Variants in WDPCP observed in about 807,000 individuals in gnomAD.
WDPCP encodes the protein WD repeat-containing and planar cell polarity effector protein fritz homolog.
WDPCP carries 71 observed loss-of-function variants against 93.1 expected under a neutral mutation model. That is an observed-to-expected ratio of 0.76 (90% CI 0.63 to 0.93). The LOEUF (loss-of-function observed/expected upper bound fraction) is 0.93. Ranked by LOEUF, WDPCP falls within the 40% of genes least tolerant of loss-of-function variation. The pLI, the probability that WDPCP is intolerant of heterozygous loss-of-function variation, is 0.00. For synonymous variants in WDPCP, 315 were observed against 315.0 expected, an observed-to-expected ratio of 1.00 and a Z score of 0.00; for missense variants, 844 against 887.4, an observed-to-expected ratio of 0.95 and a Z score of 0.62.
chr2:63,792,600 G>A (rs1294618750), intron 2 of WDPCP, among the ~76,000 whole-genome samples: 1 of 152,174 alleles, frequency 6.6e-6, no homozygotes, highest in Admixed American at 6.5e-5. Context: ...AGCTGATTAG[G>A]AGAAAAGAGG....
intron 12 of WDPCP, among the ~76,000 whole-genome samples, chr2:63,329,607 A>G (rs1363113497): frequency 1.3e-5 from 2 of 152,108 alleles, no homozygotes; most frequent in Non-Finnish European, 2.9e-5. Context: ...TTGTATATCA[A>G]TGTTTCTCAA....
chr2:63,241,592 T>C (rs916982084), intron 14 of WDPCP, among the ~76,000 whole-genome samples: 1 of 152,140 alleles, frequency 6.6e-6, no homozygotes. Context: ...AATGGTACCA[T>C]GATTTTTAAT....
intron 6 of WDPCP, among the ~76,000 whole-genome samples, chr2:63,472,214 TTCTC>T (rs1699733215): frequency 6.6e-6 from 1 of 152,110 alleles, no homozygotes; most frequent in East Asian, 1.9e-4. Context: ...TTTTCTTTTT[TTCTC>T]TCTTTGATTT....
In WDPCP at chr2:63,564,060, T is replaced by C. The variant is rs373368373; in HGVS notation, c.75+24137A>G. On this transcript the variant is annotated intron_variant, in intron 1 of 17. Coordinates refer to ENST00000272321, the MANE Select transcript of WDPCP (RefSeq NM_015910.7). Reference sequence around the variant, plus strand: ...GGGCTGGTAATGCAAGATTCCTTAATGGCCCACCAAACATTAACTTTTGGG... The same window carrying C: ...GGGCTGGTAATGCAAGATTCCTTAACGGCCCACCAAACATTAACTTTTGGG... The C allele has an allele frequency of 9.2e-5, 14 of 152,358 alleles. No individual in the cohort carries two copies. The South Asian group carries it at 2.9e-3, about 32-fold the overall frequency. 9.4% of individuals were successfully genotyped at this position (152,358 alleles called of 1,614,324 possible). A position where few individuals can be genotyped will look rare whatever the true frequency, so the allele number is the denominator to read the frequency against.
At chr2:63,495,643 CTCTATT>C (rs1461207172) in intron 1 of WDPCP, among the ~76,000 whole-genome samples, 1 of 152,162 alleles carries the variant, frequency 6.6e-6, no homozygotes, top group Middle Eastern at 3.2e-3. Flanking sequence ...TACCTAACTT[CTCTATT>C]TCTAAGAGTC....
At chr2:63,405,175 T>C (rs1309626676) in intron 9 of WDPCP, among the ~76,000 whole-genome samples, 3 of 152,140 alleles carry the variant, frequency 2.0e-5, no homozygotes, top group Non-Finnish European at 4.4e-5. Flanking sequence ...ATATTTCTAA[T>C]TAGTAGGGCT....
At chr2:63,488,695 A>T (rs1045187536) in intron 2 of WDPCP, among the ~76,000 whole-genome samples, 2 of 151,960 alleles carry the variant, frequency 1.3e-5, no homozygotes, top group Non-Finnish European at 2.9e-5. Flanking sequence ...AGGCTTTTTT[A>T]AAAAATCTAA....
intron 9 of WDPCP, among the ~76,000 whole-genome samples, chr2:63,408,717 G>C (rs538355532): frequency 1.3e-5 from 2 of 152,296 alleles, no homozygotes; most frequent in South Asian, 2.1e-4. Flanking sequence ...GTGAGGCAGT[G>C]AGAGTGAGAC....
intron 2 of WDPCP, among the ~76,000 whole-genome samples, chr2:63,683,334 C>A (rs1446381268): frequency 2.0e-5 from 3 of 152,082 alleles, no homozygotes; most frequent in African/African-American, 7.2e-5. Flanking sequence ...ACCCACTAAT[C>A]TATTACCTAC....
At chr2:63,264,799 T>C (rs576178790) in intron 13 of WDPCP, among the ~76,000 whole-genome samples, 1 of 152,338 alleles carries the variant, frequency 6.6e-6, no homozygotes, top group Admixed American at 6.5e-5. Context: ...ACATTGAACA[T>C]TCTTCAGAAC....
chr2:63,619,858 C>T (rs929903267), intron 3 of WDPCP, among the ~76,000 whole-genome samples: 8 of 152,134 alleles, frequency 5.3e-5, no homozygotes, highest in Non-Finnish European at 1.2e-4. Flanking sequence ...ACAGTGGGTG[C>T]GGCCCATGGA....
At chr2:63,410,580 T>C (rs572235607) in intron 9 of WDPCP, among the ~76,000 whole-genome samples, 1 of 152,158 alleles carries the variant, frequency 6.6e-6, no homozygotes, top group Non-Finnish European at 1.5e-5. Context: ...AATGCTCCAC[T>C]TAAAACATAC....
At chr2:63,815,154 A>G (rs1670916823) in intron 1 of WDPCP, among the ~76,000 whole-genome samples, 1 of 152,214 alleles carries the variant, frequency 6.6e-6, no homozygotes, top group Non-Finnish European at 1.5e-5. Context: ...TCTAAAAAGT[A>G]TAATGAGAAC....
At chr2:63,151,515 G>T (rs1416774027) in intron 17 of WDPCP, among the ~76,000 whole-genome samples, 2 of 152,106 alleles carry the variant, frequency 1.3e-5, no homozygotes, top group East Asian at 3.8e-4. Flanking sequence ...ACTGCACCTG[G>T]CCAGGATGTT....
In WDPCP at chr2:63,414,327, G is replaced by A. The variant is rs148180439; in HGVS notation, c.826-9670C>T. Among the ~76,000 whole-genome samples, 15 of 152,210 alleles carry A rather than the reference G, an allele frequency of 9.9e-5. No homozygotes were observed. In the East Asian group the frequency reaches 2.5e-3, roughly 25 times the overall value. On this transcript the variant is annotated intron_variant, in intron 9 of 17. Transcript: ENST00000272321. ...TTTGATCCGGCAATCCCACTACTGG[G>A]TATCTACCCAGAGGAAAAAAAGTCA...
intron 2 of WDPCP, among the ~76,000 whole-genome samples, chr2:63,762,615 TGGGAACTCTCTGAA>T (rs1467000691): frequency 6.6e-6 from 1 of 152,206 alleles, no homozygotes; most frequent in Non-Finnish European, 1.5e-5. Context: ...TTGTTGCTAG[TGGGAACTCTCTGAA>T]GGGTCCCGAA....
chr2:63,177,060 ACCATATGG>A (rs1673865366), intron 14 of WDPCP, among the ~76,000 whole-genome samples: 1 of 152,020 alleles, frequency 6.6e-6, no homozygotes, highest in African/African-American at 2.4e-5. Flanking sequence ...AAATTGTTTG[ACCATATGG>A]TTAATGGTTT....
intron 14 of WDPCP, among the ~76,000 whole-genome samples, chr2:63,190,970 C>T (rs1674997862): frequency 6.6e-6 from 1 of 152,180 alleles, no homozygotes; most frequent in South Asian, 2.1e-4. Flanking sequence ...CATGAATTAC[C>T]TAGAATTTTG....
chr2:63,809,207 G>A (rs2104078053), intron 2 of WDPCP, among the ~76,000 whole-genome samples: 1 of 152,176 alleles, frequency 6.6e-6, no homozygotes, highest in Non-Finnish European at 1.5e-5. Context: ...CCCGGGAGGT[G>A]AGGGGCGCCT....
Sources: allele counts gnomAD v4.1 joint callset (sites outside exome capture counted in the v4.1 genomes callset), GRCh38; gene constraint gnomAD v4.1.1; transcripts MANE v1.5; gene names NCBI Gene and HGNC (gene_info 2026-07-23, HGNC 2026-07-21).